ADAM19: variants seen among roughly 807,000 people sequenced by gnomAD.
ADAM19 encodes disintegrin and metalloproteinase domain-containing protein 19.
ADAM19 carries 65 observed loss-of-function variants against 114.7 expected under a neutral mutation model. The ratio of observed to expected loss-of-function variants is 0.57; its 90% CI spans 0.46 to 0.70. The LOEUF (loss-of-function observed/expected upper bound fraction) is 0.70, where lower values mean the gene tolerates loss of function less well. ADAM19 is among the 30% of genes least tolerant of loss of function. The probability of loss-of-function intolerance (pLI) is 0.00; values close to 1 mark genes in which losing one functional copy is unlikely to be tolerated. For missense variants in ADAM19, 1,063 were observed against 1,204.7 expected (o/e 0.88, Z 1.74); for synonymous variants, 466 against 460.5 (o/e 1.01, Z -0.15).
At chr5:157,572,777 G>C (rs574083490) in intron 1 of ADAM19, among the ~76,000 whole-genome samples, 1 of 152,284 alleles carries the variant, frequency 6.6e-6, no homozygotes, top group Non-Finnish European at 1.5e-5. Context: ...GGACAGGAAC[G>C]GTGGCTCACA....
chr5:157,503,128 C>G, intron 11 of ADAM19, 148 bp from the exon 12 acceptor site: 1 of 617,250 alleles, frequency 1.6e-6, no homozygotes, highest in Non-Finnish European at 2.8e-6. Flanking sequence ...ATTCTGGCCC[C>G]TTAGAACATT....
In ADAM19 at chr5:157,492,982, G is replaced by A. The variant is rs768205295; in HGVS notation, c.1899C>T (p.Gly633=). ...AGGGGAGGGGACTCACATGGTTGTA[G>A]CCACACTTGGTTCCAGTCATCACCA... is the stretch of plus-strand genomic sequence containing the variant. The part of the protein sequence containing the change: ...PGLVMTGTKC[G]YNHICFEGQC... Residue 633 remains glycine (G), a synonymous_variant, in exon 16 of 23, where the codon GGC becomes GGT. Transcript: ENST00000257527. The A allele has an allele frequency of 1.9e-6, 3 of 1,614,216 alleles. 1 individual carries two copies. Among genetic ancestry groups the A allele is most frequent in the Middle Eastern group, 3.3e-4 (2 of 6,060 alleles).
chr5:157,481,467 TG>T, intron 22 of ADAM19: 1 of 819,130 alleles, frequency 1.2e-6, no homozygotes, highest in Non-Finnish European at 1.9e-6. Context: ...CTGATGGGGC[TG>T]GTACTACTGC....
intron 4 of ADAM19, among the ~76,000 whole-genome samples, chr5:157,532,627 T>C (rs1756657377): frequency 6.6e-6 from 1 of 152,126 alleles, no homozygotes; most frequent in East Asian, 1.9e-4. Flanking sequence ...TCAAAAGGGA[T>C]GGATGCAAAC....
intron 4 of ADAM19, 48 bp downstream of exon 4, chr5:157,537,865 G>A (rs1299841025): frequency 1.3e-6 from 2 of 1,533,062 alleles, no homozygotes; most frequent in East Asian, 2.3e-5. Context: ...TAGGAGTAGG[G>A]CTGGGAGAGG....
chr5:157,485,541 A>G (rs570603289), intron 21 of ADAM19, among the ~76,000 whole-genome samples: 127 of 152,274 alleles, frequency 8.3e-4, no homozygotes, highest in African/African-American at 2.8e-3. Context: ...TCCTCTTCCT[A>G]TGGAATACAG....
At chr5:157,510,294 G>A (rs1755876162) in intron 8 of ADAM19, among the ~76,000 whole-genome samples, 1 of 152,150 alleles carries the variant, frequency 6.6e-6, no homozygotes, top group Admixed American at 6.5e-5. Context: ...GACCAACATG[G>A]AGAAACCCCA....
chr5:157,480,714 G>T lies in ADAM19; in HGVS notation c.*235C>A. The T allele has an allele frequency of 7.4e-7, 1 of 1,357,986 alleles. No homozygotes were observed. Among genetic ancestry groups the T allele is most frequent in the Non-Finnish European group, 9.5e-7 (1 of 1,054,510 alleles). The allele number at this position is 1,357,986 out of a possible 1,614,324, so 84.1% of individuals were successfully genotyped here. On this transcript the variant is annotated 3_prime_UTR_variant, in exon 23 of 23. Transcript: ENST00000257527. Reference sequence around the variant, plus strand: ...TCATACTCTCCCCTCCCTACCTGGGGCTGTATATTGCACAAAACAACACCT... The same window carrying T: ...TCATACTCTCCCCTCCCTACCTGGGTCTGTATATTGCACAAAACAACACCT...
intron 16 of ADAM19, among the ~76,000 whole-genome samples, chr5:157,492,434 C>T (rs777252313): frequency 5.3e-5 from 8 of 152,036 alleles, no homozygotes; most frequent in African/African-American, 9.7e-5. Context: ...AGGGAGAAAA[C>T]GACAAATATA....
chr5:157,479,480 G>C lies in ADAM19; in HGVS notation c.*1469C>G. 1.0e-6 allele frequency: 1 copy of C among 985,914 alleles called. No individual in the cohort carries two copies. Among genetic ancestry groups the C allele is most frequent in the Non-Finnish European group, 1.2e-6 (1 of 829,982 alleles). 61.1% of individuals were successfully genotyped at this position (985,914 alleles called of 1,614,324 possible). A position where few individuals can be genotyped will look rare whatever the true frequency, so the allele number is the denominator to read the frequency against. On this transcript the variant is annotated 3_prime_UTR_variant, in exon 23 of 23. Transcript: ENST00000257527. Reference sequence around the variant, plus strand: ...GAGAGCCACCCAGCACCTTTGTGGAGTGGGAGTCTATCTCCCAGCAAACAT... The same window carrying C: ...GAGAGCCACCCAGCACCTTTGTGGACTGGGAGTCTATCTCCCAGCAAACAT...
intron 3 of ADAM19, among the ~76,000 whole-genome samples, chr5:157,557,155 G>A (rs992910605): frequency 6.6e-6 from 1 of 152,114 alleles, no homozygotes; most frequent in Non-Finnish European, 1.5e-5. Context: ...TGATCCACCC[G>A]GCTCAGCCTC....
intron 4 of ADAM19, among the ~76,000 whole-genome samples, chr5:157,533,042 G>A (rs545025374): frequency 1.9e-4 from 29 of 152,108 alleles, no homozygotes; most frequent in Admixed American, 9.8e-4. Flanking sequence ...GCCTCAAGGC[G>A]CCTGGAAGCC....
Position 157,564,119 on chromosome 5 carries a change from G to A in ADAM19, c.251+254C>T, listed in dbSNP as rs11465267. On this transcript the variant is annotated intron_variant, in intron 3 of 22. Coordinates refer to ENST00000257527, the MANE Select transcript of ADAM19 (RefSeq NM_033274.5). ...CACATACACAGACCTCTGTGTGCCC[G>A]CAGTGAACTCCAGGGGCCCCTGAAA... 9.3e-3 allele frequency among the ~76,000 whole-genome samples: 1,411 copies of A among 152,276 alleles called. 24 individuals are homozygous for A. Among genetic ancestry groups the A allele is most frequent in the African/African-American group, 0.033 (1,351 of 41,542 alleles).
intron 1 of ADAM19, among the ~76,000 whole-genome samples, chr5:157,574,258 G>C (rs1303330404): frequency 6.6e-6 from 1 of 152,176 alleles, no homozygotes; most frequent in Non-Finnish European, 1.5e-5. Context: ...ATATTCTACA[G>C]CAAGTGTTCT....
rs571186360 is a variant in ADAM19 at position 157,483,525 on chromosome 5, G to A, written c.2551-1582C>T. ...TAGTTGACATAAAATAAGTCAGCACGCTCACCGCCTAATAGAAATGTCTGT... is the reference window on the plus strand; with the variant it reads ...TAGTTGACATAAAATAAGTCAGCACACTCACCGCCTAATAGAAATGTCTGT... On this transcript the variant is annotated intron_variant, in intron 21 of 22. Coordinates refer to ENST00000257527, the MANE Select transcript of ADAM19 (RefSeq NM_033274.5). Among the ~76,000 whole-genome samples the A allele has an allele frequency of 3.0e-3, 461 of 152,204 alleles. 5 individuals are homozygous for A. The highest frequency in any genetic ancestry group is 5.7e-3 in the Non-Finnish European group (387 of 68,014).
rs1755721637 is a variant in ADAM19, at chr5:157,505,742, T to C, written c.1057A>G (p.Met353Val). 6.2e-7 allele frequency: 1 copy of C among 1,614,044 alleles called. No individual in the cohort carries two copies. Among genetic ancestry groups the C allele is most frequent in the Admixed American group, 1.7e-5 (1 of 60,006 alleles). The change falls in exon 11 of 23, where the codon ATG becomes GTG. Residue 353 changes from methionine to valine, a missense_variant. By Grantham distance (21) the Met-to-Val change is conservative (BLOSUM62 1). Transcript: ENST00000257527. ...MAHEMGHNFG[M>V]THDSADCCSA... ...CAGCAATCTGCAGAATCATGGGTCA[T>C]GCCAAAGTTGTGGCCCATCTCGTGG...
intron 5 of ADAM19, 83 bp from the exon 6 acceptor site, chr5:157,520,114 G>A (rs1056692643): frequency 2.2e-6 from 3 of 1,348,388 alleles, no homozygotes; most frequent in Non-Finnish European, 3.1e-6. Flanking sequence ...TTCTCCATAT[G>A]CAAAATGACA....
intron 3 of ADAM19, among the ~76,000 whole-genome samples, chr5:157,539,097 G>A (rs1445175805): frequency 6.6e-6 from 1 of 150,378 alleles, no homozygotes; most frequent in African/African-American, 2.5e-5. Flanking sequence ...AGGTTGCAGC[G>A]AGCCGAGATC....
intron 4 of ADAM19, among the ~76,000 whole-genome samples, chr5:157,531,621 C>T (rs768162241): frequency 4.6e-5 from 7 of 151,268 alleles, no homozygotes; most frequent in Admixed American, 6.6e-5. Flanking sequence ...GAGCCAAGAT[C>T]GCACCATTGC....
Sources: gnomAD v4.1 joint callset for allele counts (sites outside exome capture counted in the v4.1 genomes callset) on GRCh38, gnomAD v4.1.1 for gene constraint, MANE v1.5 for transcripts, NCBI Gene and HGNC (gene_info 2026-07-23, HGNC 2026-07-21) for gene names.